The following IQUB variants were observed in gnomAD, a reference collection of about 807,000 sequenced individuals.
The protein encoded by IQUB is IQ motif and ubiquitin-like domain-containing protein.
Under a neutral mutation model 86.4 loss-of-function variants are expected in IQUB, and 86 were observed. That is an observed-to-expected ratio of 1.00 (90% CI 0.84 to 1.19). The LOEUF (loss-of-function observed/expected upper bound fraction) is 1.19. IQUB is among the 50% of genes most tolerant of loss of function. The probability of loss-of-function intolerance (pLI) is 0.00; values close to 1 mark genes in which losing one functional copy is unlikely to be tolerated. For missense variants in IQUB, 946 were observed against 916.9 expected (o/e 1.03, Z -0.41); for synonymous variants, 289 against 304.5 (o/e 0.95, Z 0.53).
At chr7:123,488,832 T>C (rs577114529) in intron 7 of IQUB, among the ~76,000 whole-genome samples, 4 of 152,258 alleles carry the variant, frequency 2.6e-5, no homozygotes, top group Non-Finnish European at 5.9e-5. Flanking sequence ...CCAGAAAACA[T>C]ATATAAGAAA....
intron 1 of IQUB, among the ~76,000 whole-genome samples, chr7:123,528,524 T>G (rs1214811669): frequency 6.6e-6 from 1 of 152,112 alleles, no homozygotes; most frequent in Non-Finnish European, 1.5e-5. Flanking sequence ...ATCCAGGCAG[T>G]CTGGATCCAG....
chr7:123,496,597 C>A, intron 7 of IQUB, 99 bp downstream of exon 7: 1 of 693,830 alleles, frequency 1.4e-6, no homozygotes, highest in Non-Finnish European at 2.3e-6. Flanking sequence ...AAGACATCTC[C>A]CTAAAATAAT....
chr7:123,508,842 T>C (rs1165547990), intron 3 of IQUB, among the ~76,000 whole-genome samples: 1 of 152,222 alleles, frequency 6.6e-6, no homozygotes. Flanking sequence ...TTACTAGTAA[T>C]TCCTACATCA....
chr7:123,494,252 A>G lies in IQUB; in HGVS notation c.1234+2444T>C, dbSNP rs544641164. Among the ~76,000 whole-genome samples, 13 of 152,232 alleles carry G rather than the reference A, an allele frequency of 8.5e-5. No individual in the cohort carries two copies. In the South Asian group the frequency reaches 2.5e-3, roughly 29 times the overall value. On this transcript the variant is annotated intron_variant, in intron 7 of 12. Transcript: ENST00000324698. ...CCTCCTCTTTGACATATTACCTTAT[A>G]CAGCTAAGTTTATTTTCTTAAATTA...
intron 1 of IQUB, among the ~76,000 whole-genome samples, chr7:123,519,547 C>CATA (rs1796807149): frequency 1.3e-5 from 2 of 152,056 alleles, no homozygotes; most frequent in Admixed American, 6.6e-5. Context: ...AAGCAAGGCA[C>CATA]AGAAAGACAA....
intron 1 of IQUB, among the ~76,000 whole-genome samples, chr7:123,526,890 C>T (rs1351943426): frequency 1.3e-5 from 2 of 152,080 alleles, no homozygotes; most frequent in African/African-American, 4.8e-5. Flanking sequence ...TAGGGCAGGC[C>T]TGGTGGTGAC....
Position 123,511,966 on chromosome 7 carries a change from T to G in IQUB, c.375A>C (p.Ser125=). The G allele has an allele frequency of 8.7e-6, 14 of 1,606,732 alleles. 1 individual carries two copies. The highest frequency in any genetic ancestry group is 1.2e-5 in the Non-Finnish European group (14 of 1,174,516). Reference sequence around the variant, plus strand: ...TACCTGTTGCTAGAGAATCTTCCACTGATTCTTGCAAAGATTCCTTTACAG... The same window carrying G: ...TACCTGTTGCTAGAGAATCTTCCACGGATTCTTGCAAAGATTCCTTTACAG... The part of the protein sequence containing the change: ...IKSVKESLQE[S]VEDSLATVKV... The change falls in exon 2 of 13, where the codon TCA becomes TCC. Residue 125 remains serine (S), a synonymous_variant. Transcript: ENST00000324698.
chr7:123,461,291 C>T (rs1218736759), intron 11 of IQUB, 66 bp downstream of exon 11: 3 of 1,451,036 alleles, frequency 2.1e-6, no homozygotes, highest in East Asian at 2.3e-5. Context: ...CACAAACATA[C>T]ATAAGATTGC....
rs562152468 is a variant in IQUB at position 123,531,857 on chromosome 7, T to C, written c.-5+2635A>G. On this transcript the variant is annotated intron_variant, in intron 1 of 12. Transcript: ENST00000324698. Reference sequence around the variant, plus strand: ...AATCTTCACCACTACAATAACCACATGGTTAAACGATCACCACTTCCATTA... The same window carrying C: ...AATCTTCACCACTACAATAACCACACGGTTAAACGATCACCACTTCCATTA... Among the ~76,000 whole-genome samples the C allele has an allele frequency of 1.7e-4, 26 of 152,326 alleles. No individual in the cohort carries two copies. The South Asian group carries it at 5.4e-3, about 32-fold the overall frequency.
At chr7:123,529,324 A>G (rs1382296675) in intron 1 of IQUB, among the ~76,000 whole-genome samples, 1 of 151,960 alleles carries the variant, frequency 6.6e-6, no homozygotes, top group Non-Finnish European at 1.5e-5. Flanking sequence ...ATACTATTTT[A>G]TGACTTTTTA....
chr7:123,472,881 T>C (rs945504856), intron 8 of IQUB, among the ~76,000 whole-genome samples: 1 of 152,202 alleles, frequency 6.6e-6, no homozygotes, highest in Non-Finnish European at 1.5e-5. Flanking sequence ...ATAACAGATA[T>C]ACAACAATCA....
rs752276148 is a variant in IQUB, at chr7:123,479,802, A to G, written c.1403T>C (p.Leu468Ser). 1.9e-6 allele frequency: 3 copies of G among 1,609,658 alleles called. No individual in the cohort carries two copies. The Admixed American group carries it at 5.0e-5, about 27-fold the overall frequency. Reference sequence around the variant, plus strand: ...AGTAGTCACTTCACTAACCTTATCCAAAAAAGCTTGTATTGCTGCTTCCTG... The same window carrying G: ...AGTAGTCACTTCACTAACCTTATCCGAAAAAGCTTGTATTGCTGCTTCCTG... ...ANQEAAIQAFLDKCSAPKIWR... is the reference protein window; with the variant it reads ...ANQEAAIQAFSDKCSAPKIWR... Residue 468 changes from leucine to serine, a missense_variant, in exon 8 of 13, where the codon TTG (leucine) becomes TCG (serine). Coordinates refer to ENST00000324698, the MANE Select transcript of IQUB (RefSeq NM_178827.5).
At chr7:123,520,145 T>C (rs1796837058) in intron 1 of IQUB, among the ~76,000 whole-genome samples, 1 of 152,138 alleles carries the variant, frequency 6.6e-6, no homozygotes, top group African/African-American at 2.4e-5. Flanking sequence ...ACGTGATTAT[T>C]TGATACATAT....
intron 1 of IQUB, chr7:123,532,803 G>A (rs1342082821): frequency 4.6e-5 from 7 of 152,298 alleles, no homozygotes; most frequent in Non-Finnish European, 1.5e-5. Context: ...TCCTTCTCCA[G>A]CCTGCCCCTC....
intron 7 of IQUB, among the ~76,000 whole-genome samples, chr7:123,490,743 T>A (rs1421353241): frequency 6.6e-6 from 1 of 152,192 alleles, no homozygotes; most frequent in African/African-American, 2.4e-5. Context: ...GGTGGGCAGA[T>A]CACCTGAGGT....
At chr7:123,531,358 AG>A (rs1797531645) in intron 1 of IQUB, among the ~76,000 whole-genome samples, 1 of 152,224 alleles carries the variant, frequency 6.6e-6, no homozygotes, top group South Asian at 2.1e-4. Flanking sequence ...TCAAAGTAAA[AG>A]CATCAGCTAT....
chr7:123,458,113 A>AAAGAT (rs1255915033), intron 11 of IQUB: 1 of 152,046 alleles, frequency 6.6e-6, no homozygotes, highest in African/African-American at 2.4e-5. Flanking sequence ...GAGATTTAAT[A>AAAGAT]AAGATAAGTA....
chr7:123,453,298 A>AGAT (rs1793529083), intron 12 of IQUB, among the ~76,000 whole-genome samples: 1 of 144,128 alleles, frequency 6.9e-6, no homozygotes, highest in African/African-American at 2.5e-5. Flanking sequence ...TTAATGTTAT[A>AGAT]GATATTGAGG....
chr7:123,509,285 A>G (rs577690432), intron 3 of IQUB, among the ~76,000 whole-genome samples: 3 of 152,338 alleles, frequency 2.0e-5, no homozygotes, highest in South Asian at 2.1e-4. Context: ...GCGCTGTTCA[A>G]TATCATCCAC....
Sources: gnomAD v4.1 joint callset for allele counts (sites outside exome capture counted in the v4.1 genomes callset) on GRCh38, gnomAD v4.1.1 for gene constraint, MANE v1.5 for transcripts, NCBI Gene and HGNC (gene_info 2026-07-23, HGNC 2026-07-21) for gene names.